Variants in VPS13B observed in about 807,000 individuals in gnomAD.
VPS13B encodes the protein vacuolar protein sorting 13 homolog B, also known as intermembrane lipid transfer protein VPS13B.
VPS13B carries 285 observed loss-of-function variants against 426.4 expected under a neutral mutation model. The ratio of observed to expected loss-of-function variants is 0.67; its 90% confidence interval spans 0.61 to 0.74. The LOEUF is 0.74. Ranked by LOEUF, VPS13B falls within the 30% of genes least tolerant of loss-of-function variation. The probability of loss-of-function intolerance (pLI) is 0.00; values close to 1 mark genes in which losing one functional copy is unlikely to be tolerated. For synonymous variants in VPS13B, 1,676 were observed against 1,676.4 expected, an observed-to-expected ratio of 1.00 and a Z score of 0.01; for missense variants, 4,537 against 4,782.6, an observed-to-expected ratio of 0.95 and a Z score of 1.51.
intron 35 of VPS13B, among the ~76,000 whole-genome samples, chr8:99,688,414 A>G (rs1244016477): frequency 6.6e-6 from 1 of 152,040 alleles, no homozygotes; most frequent in Non-Finnish European, 1.5e-5. Context: ...GAATCAAGCA[A>G]TGTTTTGGAA....
intron 3 of VPS13B, 121 bp downstream of exon 3, chr8:99,038,687 T>G (rs1472214601): frequency 2.5e-6 from 2 of 804,948 alleles, no homozygotes; most frequent in Non-Finnish European, 3.6e-6. Context: ...TACTTTTTTT[T>G]TTTTTTTTTT....
chr8:99,466,182 A>G (rs747162798), intron 23 of VPS13B, among the ~76,000 whole-genome samples: 1 of 152,104 alleles, frequency 6.6e-6, no homozygotes, highest in Non-Finnish European at 1.5e-5. Context: ...GAAAAAATAT[A>G]TATGAAGGAA....
chr8:99,823,408 C>T (rs1198472150), intron 50 of VPS13B, among the ~76,000 whole-genome samples: 1 of 152,102 alleles, frequency 6.6e-6, no homozygotes, highest in African/African-American at 2.4e-5. Context: ...CTCCTTGGTT[C>T]ATCATAGGCA....
chr8:99,198,846 C>CAA (rs1251371123), intron 17 of VPS13B, among the ~76,000 whole-genome samples: 192 of 151,322 alleles, frequency 1.3e-3, no homozygotes, highest in Non-Finnish European at 2.1e-3. Flanking sequence ...GTCTTTTTTC[C>CAA]CCCCGAGAAC....
At chr8:99,564,351 C>T (rs1825084644) in intron 31 of VPS13B, among the ~76,000 whole-genome samples, 1 of 152,084 alleles carries the variant, frequency 6.6e-6, no homozygotes, top group South Asian at 2.1e-4. Context: ...CACAACCAAC[C>T]CTCCTGAAGC....
At chr8:99,819,664 A>T in intron 48 of VPS13B, 82 bp downstream of exon 48, 1 of 1,466,852 alleles carries the variant, frequency 6.8e-7, no homozygotes, top group East Asian at 2.4e-5. Flanking sequence ...AAATACCATA[A>T]GTGGTGTGTG....
chr8:99,410,875 C>A (rs1815612796), intron 21 of VPS13B, among the ~76,000 whole-genome samples: 1 of 152,022 alleles, frequency 6.6e-6, no homozygotes, highest in African/African-American at 2.4e-5. Context: ...CATCCATGTC[C>A]CTGCAAAGGA....
chr8:99,268,042 G>A (rs1818399724), intron 17 of VPS13B, among the ~76,000 whole-genome samples: 1 of 152,184 alleles, frequency 6.6e-6, no homozygotes, highest in African/African-American at 2.4e-5. Context: ...GCTTCAGAGG[G>A]TGTAAGCCCC....
At chr8:99,751,097 C>A (rs1810371968) in intron 39 of VPS13B, among the ~76,000 whole-genome samples, 1 of 152,162 alleles carries the variant, frequency 6.6e-6, no homozygotes. Context: ...TACCAGAGGT[C>A]AACTAAGATA....
At chr8:99,281,148 C>T (rs529722229) in intron 19 of VPS13B, among the ~76,000 whole-genome samples, 37 of 152,290 alleles carry the variant, frequency 2.4e-4, no homozygotes, top group Admixed American at 3.3e-4. Flanking sequence ...AGATCCCTCG[C>T]GTGCACATTT....
intron 39 of VPS13B, among the ~76,000 whole-genome samples, chr8:99,726,337 G>C (rs1833349796): frequency 6.6e-6 from 1 of 152,190 alleles, no homozygotes; most frequent in Non-Finnish European, 1.5e-5. Context: ...ACCAACCTAG[G>C]AGTGTTGTGC....
chr8:99,716,713 T>C (rs532137818), intron 36 of VPS13B, among the ~76,000 whole-genome samples: 1 of 152,278 alleles, frequency 6.6e-6, no homozygotes, highest in East Asian at 1.9e-4. Flanking sequence ...CGTTATATAT[T>C]TTGATTGTTT....
chr8:99,411,630 CTT>C (rs1374486582), intron 21 of VPS13B, among the ~76,000 whole-genome samples: 1 of 152,126 alleles, frequency 6.6e-6, no homozygotes, highest in Non-Finnish European at 1.5e-5. Flanking sequence ...GTTATGAAGT[CTT>C]TGCCCATGCC....
intron 40 of VPS13B, among the ~76,000 whole-genome samples, chr8:99,768,298 A>G (rs1308813712): frequency 2.6e-5 from 4 of 152,204 alleles, no homozygotes; most frequent in Admixed American, 6.5e-5. Flanking sequence ...TAACAGAAAA[A>G]AAACCATCCA....
intron 42 of VPS13B, among the ~76,000 whole-genome samples, chr8:99,782,577 G>T (rs1812072830): frequency 6.6e-6 from 1 of 151,782 alleles, no homozygotes; most frequent in South Asian, 2.1e-4. Context: ...AAGAAATGGA[G>T]AAAAAGATGT....
At chr8:99,028,883 CCCCA>C (rs1430850731) in intron 2 of VPS13B, among the ~76,000 whole-genome samples, 5 of 29,344 alleles carry the variant, frequency 1.7e-4, no homozygotes, top group African/African-American at 2.8e-4. Flanking sequence ...GGCTGACCCC[CCCCA>C]CCTCCCTCCC....
intron 19 of VPS13B, among the ~76,000 whole-genome samples, chr8:99,362,402 A>T (rs968649901): frequency 6.6e-6 from 1 of 152,038 alleles, no homozygotes; most frequent in African/African-American, 2.4e-5. Flanking sequence ...TTGGCCTCCC[A>T]AAGTGCTGGG....
chr8:99,744,295 T>C (rs1286942431), intron 39 of VPS13B, among the ~76,000 whole-genome samples: 1 of 152,052 alleles, frequency 6.6e-6, no homozygotes, highest in Non-Finnish European at 1.5e-5. Context: ...GCTAGAATGG[T>C]GATCATTAAA....
intron 39 of VPS13B, among the ~76,000 whole-genome samples, chr8:99,735,030 G>A (rs1833764520): frequency 6.6e-6 from 1 of 152,184 alleles, no homozygotes; most frequent in East Asian, 1.9e-4. Flanking sequence ...CGTAGTAAAT[G>A]CCACTAGAAG....
Sources: allele counts gnomAD v4.1 joint callset (sites outside exome capture counted in the v4.1 genomes callset), GRCh38; gene constraint gnomAD v4.1.1; transcripts MANE v1.5; gene names NCBI Gene and HGNC (gene_info 2026-07-23, HGNC 2026-07-21).